Variants in CYB561 observed in about 807,000 individuals in gnomAD.
CYB561 encodes cytochrome b561.
In CYB561, 11 loss-of-function variants were observed where a neutral mutation model predicts 25.3. The observed-to-expected ratio is 0.44, with a 90% CI of 0.27 to 0.72. The LOEUF (loss-of-function observed/expected upper bound fraction) is 0.72. CYB561 is among the 30% of genes least tolerant of loss of function. The probability of loss-of-function intolerance (pLI) is 0.18; values close to 1 mark genes in which losing one functional copy is unlikely to be tolerated. For missense variants in CYB561, 295 were observed against 334.9 expected (o/e 0.88, Z 0.93); for synonymous variants, 165 against 158.8 (o/e 1.04, Z -0.29).
Position 63,434,293 on chromosome 17 carries a change from C to T in CYB561, c.*109G>A, listed in dbSNP as rs951976562. On this transcript the variant is annotated 3_prime_UTR_variant, in exon 6 of 6. Transcript: ENST00000360793. ...ACTCAAACAGATGCAGCTGCACCCA[C>T]GCGCCCGCCTGCTGCCAGAGCCACT... 3.0e-6 allele frequency: 3 copies of T among 1,002,914 alleles called. No homozygotes were observed. Among genetic ancestry groups the T allele is most frequent in the South Asian group, 1.7e-5 (1 of 59,970 alleles). 62.1% of individuals were successfully genotyped at this position (1,002,914 alleles called of 1,614,324 possible).
At chr17:63,435,571 C>T in intron 4 of CYB561, 117 bp downstream of exon 4, 2 of 889,796 alleles carry the variant, frequency 2.2e-6, no homozygotes, top group South Asian at 2.9e-5. Context: ...GCAGCTCTCT[C>T]ACCTGCACAC....
intron 1 of CYB561, chr17:63,437,970 G>GCCCCCCCCCCCCCCC: frequency 3.6e-5 from 23 of 643,040 alleles, no homozygotes; most frequent in South Asian, 1.1e-4. Context: ...TCCCACGGCG[G>GCCCCCCCCCCCCCCC]CCCCGCCACC....
rs1021258659 is a variant in CYB561, at chr17:63,434,080, T to C, written c.*322A>G. The C allele has an allele frequency of 4.0e-5, 12 of 298,322 alleles. No homozygotes were observed. Among genetic ancestry groups the C allele is most frequent in the East Asian group, 5.6e-5 (1 of 17,980 alleles). 18.5% of individuals were successfully genotyped at this position (298,322 alleles called of 1,614,324 possible). The stretch of plus-strand genomic sequence containing the variant: ...CCCCAGGCATCTGCTGCCAGGAGGG[T>C]GGGGCCTCCTCTCTCGCTTCTTTAA... On this transcript the variant is annotated 3_prime_UTR_variant, in exon 6 of 6. Coordinates refer to ENST00000360793, the MANE Select transcript of CYB561 (RefSeq NM_001915.4).
At chr17:63,434,742 G>GC in intron 5 of CYB561, 148 bp from the exon 6 acceptor site, 1 of 677,808 alleles carries the variant, frequency 1.5e-6, no homozygotes, top group Non-Finnish European at 2.4e-6. Flanking sequence ...CCATCCCCCC[G>GC]CCCCCAACCA....
At chr17:63,438,186 G>C (rs2049335221) in intron 1 of CYB561, 1 of 1,535,620 alleles carries the variant, frequency 6.5e-7, no homozygotes, top group Admixed American at 2.0e-5. Context: ...CCAAATTCTA[G>C]TGAGCTCAAG....
chr17:63,444,653 G>A (rs2049406431), intron 1 of CYB561, among the ~76,000 whole-genome samples: 1 of 152,208 alleles, frequency 6.6e-6, no homozygotes, highest in Admixed American at 6.5e-5. Context: ...AGCTCCTGGG[G>A]CTGGAAGAAC....
chr17:63,440,683 T>G, intron 1 of CYB561: 3 of 158,160 alleles, frequency 1.9e-5, no homozygotes, highest in Non-Finnish European at 2.8e-5. Context: ...GGCACCGCGG[T>G]GCGCAGATCA....
rs375423914 is a variant in CYB561 at position 63,434,492 on chromosome 17, G to A, written c.666C>T (p.Ala222=). Residue 222 remains alanine, a synonymous_variant, in exon 6 of 6, where the codon GCC becomes GCT. Coordinates refer to ENST00000360793, the MANE Select transcript of CYB561 (RefSeq NM_001915.4). The stretch of plus-strand genomic sequence containing the variant: ...CCGCCTGGGAAGGCCGCTTCCAGTC[G>A]GCCCGGGTCAAGATGTAGAGCACCG... ...GGAVLYILTR[A]DWKRPSQAEE... The A allele has an allele frequency of 3.9e-5, 63 of 1,612,844 alleles. No homozygotes were observed. Among genetic ancestry groups the A allele is most frequent in the East Asian group, 4.5e-5 (2 of 44,844 alleles).
chr17:63,435,481 C>A, intron 4 of CYB561: 1 of 681,598 alleles, frequency 1.5e-6, no homozygotes. Flanking sequence ...GCCAAAAGTG[C>A]TGAGTCAGCC....
Position 63,434,558 on chromosome 17 carries a change from C to T in CYB561, c.600G>A (p.Leu200=). ...KYSAFEPEGV[L]ANVLGLLLAC... The stretch of plus-strand genomic sequence containing the variant: ...CCAGCAGCAGGCCCAGCACGTTGGC[C>T]AGGACACCCTCGGGCTCAAATGCGC... Residue 200 remains leucine (L), a synonymous_variant, in exon 6 of 6, where the codon CTG becomes CTA. Coordinates refer to ENST00000360793, the MANE Select transcript of CYB561 (RefSeq NM_001915.4). 6.2e-7 allele frequency: 1 copy of T among 1,612,618 alleles called. No individual in the cohort carries two copies. Among genetic ancestry groups the T allele is most frequent in the Non-Finnish European group, 8.5e-7 (1 of 1,179,956 alleles).
chr17:63,435,100 C>T lies in CYB561; in HGVS notation c.549G>A (p.Leu183=). The T allele has an allele frequency of 1.2e-6, 2 of 1,613,554 alleles. No individual in the cohort carries two copies. Among genetic ancestry groups the T allele is most frequent in the Non-Finnish European group, 1.7e-6 (2 of 1,179,754 alleles). Residue 183 remains leucine, a synonymous_variant, in exon 5 of 6, where the codon CTG becomes CTA. Transcript: ENST00000360793. ...AGGACACTCACCCGAGGTTGAACAG[C>T]AGTGCCTCCTTCAGGCCCAGCAGGG... The part of the protein sequence containing the change: ...GTALLGLKEA[L]LFNLGGKYSA...
chr17:63,433,092 G>T lies in CYB561; in HGVS notation c.*1310C>A. 3.3e-6 allele frequency: 1 copy of T among 306,690 alleles called. No homozygotes were observed. Among genetic ancestry groups the T allele is most frequent in the Non-Finnish European group, 5.9e-6 (1 of 168,652 alleles). The allele number at this position is 306,690 out of a possible 1,614,324, so 19.0% of individuals were successfully genotyped here. A position where few individuals can be genotyped will look rare whatever the true frequency, so the allele number is the denominator to read the frequency against. ...TTTTGAGCCTGTCGCCCAGGCTGGA[G>T]TGCAATCTCAGCTCACTGCAAGCGC... On this transcript the variant is annotated 3_prime_UTR_variant, in exon 6 of 6. Coordinates refer to ENST00000360793, the MANE Select transcript of CYB561 (RefSeq NM_001915.4).
chr17:63,435,872 C>T (rs569366990), intron 3 of CYB561, 81 bp from the exon 4 acceptor site: 48 of 1,579,852 alleles, frequency 3.0e-5, no homozygotes, highest in Admixed American at 2.0e-4. Flanking sequence ...AACCAGCTAG[C>T]GGGACTTCTG....
chr17:63,433,684 T>G lies in CYB561; in HGVS notation c.*718A>C. The G allele has an allele frequency of 3.0e-6, 1 of 332,234 alleles. No homozygotes were observed. The highest frequency in any genetic ancestry group is 5.4e-6 in the Non-Finnish European group (1 of 185,310). 20.6% of individuals were successfully genotyped at this position (332,234 alleles called of 1,614,324 possible). ...GTGCCCCCCATCCCCAACCCCCATGTCTGGAGCAGCCTGGGAGGAGGCCCG... is the reference window on the plus strand; with the variant it reads ...GTGCCCCCCATCCCCAACCCCCATGGCTGGAGCAGCCTGGGAGGAGGCCCG... On this transcript the variant is annotated 3_prime_UTR_variant, in exon 6 of 6. Coordinates refer to ENST00000360793, the MANE Select transcript of CYB561 (RefSeq NM_001915.4).
intron 1 of CYB561, among the ~76,000 whole-genome samples, chr17:63,444,252 G>A (rs1006595095): frequency 4.6e-5 from 7 of 152,204 alleles, no homozygotes; most frequent in Non-Finnish European, 8.8e-5. Context: ...GAGGGCCAAC[G>A]GCCCATGAAA....
chr17:63,443,280 T>A (rs1052166805), intron 1 of CYB561, among the ~76,000 whole-genome samples: 2 of 152,116 alleles, frequency 1.3e-5, no homozygotes, highest in African/African-American at 4.8e-5. Context: ...CACTAAGCCC[T>A]GGTGCATGCA....
Position 63,436,987 on chromosome 17 carries a change from C to A in CYB561, c.202+359G>T, listed in dbSNP as rs370788186. On this transcript the variant is annotated intron_variant, in intron 2 of 5. Coordinates refer to ENST00000360793, the MANE Select transcript of CYB561 (RefSeq NM_001915.4). The surrounding 1 kb of genome is among the most constrained non-coding windows in gnomAD (Gnocchi z 4.8). ...ACACATGCGCGCGCACGCACGCACG[C>A]ATACAAACTCTCACATATGATTACT... 1.0e-3 allele frequency: 323 copies of A among 314,454 alleles called. 6 individuals carry two copies. In the South Asian group the frequency reaches 0.012, roughly 11 times the overall value. 19.5% of individuals were successfully genotyped at this position (314,454 alleles called of 1,614,324 possible). A position where few individuals can be genotyped will look rare whatever the true frequency, so the allele number is the denominator to read the frequency against.
At chr17:63,445,817 C>T (rs2147505111) in intron 1 of CYB561, 1 of 152,382 alleles carries the variant, frequency 6.6e-6, no homozygotes, top group South Asian at 2.1e-4. Context: ...GGGCCCTGCT[C>T]GGGGCAAGAG....
Position 63,434,253 on chromosome 17 carries a change from A to G in CYB561, c.*149T>C. 1 of 659,530 alleles carries G rather than the reference A, an allele frequency of 1.5e-6. No homozygotes were observed. Among genetic ancestry groups the G allele is most frequent in the Non-Finnish European group, 2.6e-6 (1 of 391,998 alleles). 40.9% of individuals were successfully genotyped at this position (659,530 alleles called of 1,614,324 possible). On this transcript the variant is annotated 3_prime_UTR_variant, in exon 6 of 6. Coordinates refer to ENST00000360793, the MANE Select transcript of CYB561 (RefSeq NM_001915.4). ...GAGAAGCAGAGGAGGCGGAGACCTG[A>G]CCCCAGAAAGCAGCACTCAAACAGA...
Sources: gnomAD v4.1 joint callset for allele counts (sites outside exome capture counted in the v4.1 genomes callset) on GRCh38, gnomAD v4.1.1 for gene constraint, Gnocchi (gnomAD v3.1) non-coding constraint, MANE v1.5 for transcripts, NCBI Gene and HGNC (gene_info 2026-07-23, HGNC 2026-07-21) for gene names.